GYS2: variants seen among roughly 807,000 people sequenced by gnomAD.
GYS2 encodes the protein glycogen [starch] synthase, liver.
A neutral mutation model predicts 85.6 loss-of-function variants in GYS2; 80 were observed. The observed-to-expected ratio is 0.93, with a 90% CI of 0.78 to 1.13. GYS2 has a LOEUF of 1.13. Among genes scored for constraint, GYS2 ranks in the 50% most tolerant of loss-of-function variants. GYS2 has a pLI of 0.00. For missense variants in GYS2, 881 were observed against 854.9 expected, an observed-to-expected ratio of 1.03 and a Z score of -0.38; for synonymous variants, 328 against 300.7, an observed-to-expected ratio of 1.09 and a Z score of -0.94.
chr12:21,576,467 T>C (rs991872655), intron 2 of GYS2, among the ~76,000 whole-genome samples: 1 of 152,204 alleles, frequency 6.6e-6, no homozygotes, highest in Non-Finnish European at 1.5e-5. Flanking sequence ...TATTTTCTTT[T>C]ATGGAACAGG....
In GYS2 at chr12:21,580,464, C is replaced by A; in HGVS notation, c.181G>T (p.Glu61Ter). ...KAKTTADEWG[E>*]NYFLIGPYFE... The stretch of plus-strand genomic sequence containing the variant: ...TATGGACCTATCAGAAAATAGTTCT[C>A]TCCCCATTCATCTGCTGTTGTTTTG... The change falls in exon 2 of 16, where the codon GAG becomes TAG. Residue 61 changes from glutamate (E) to a stop codon, truncating the protein, a stop_gained. Coordinates refer to ENST00000261195, the MANE Select transcript of GYS2 (RefSeq NM_021957.4). LOFTEE classifies it high-confidence loss of function. 6.2e-7 allele frequency: 1 copy of A among 1,613,458 alleles called. No homozygotes were observed. The highest frequency in any genetic ancestry group is 8.5e-7 in the Non-Finnish European group (1 of 1,179,474).
At chr12:21,543,009 G>A (rs972127945) in intron 12 of GYS2, among the ~76,000 whole-genome samples, 7 of 152,244 alleles carry the variant, frequency 4.6e-5, no homozygotes, top group African/African-American at 1.7e-4. Context: ...TATGAGGTAG[G>A]TTAAATATGT....
intron 12 of GYS2, among the ~76,000 whole-genome samples, chr12:21,544,083 T>C (rs2136845236): frequency 6.6e-6 from 1 of 152,336 alleles, no homozygotes; most frequent in Middle Eastern, 3.4e-3. Context: ...GAAAACACAT[T>C]TGGATGAATG....
intron 4 of GYS2, among the ~76,000 whole-genome samples, chr12:21,570,355 T>A (rs1944371554): frequency 1.3e-5 from 2 of 152,174 alleles, no homozygotes; most frequent in South Asian, 4.1e-4. Context: ...GAAAATGGAT[T>A]AAAAACAGGT....
downstream of GYS2, among the ~76,000 whole-genome samples, chr12:21,534,263 C>A (rs1368948669): frequency 1.3e-5 from 2 of 152,152 alleles, no homozygotes; most frequent in Non-Finnish European, 2.9e-5. Context: ...GTAATCCCAG[C>A]ACTTTGGGAG....
chr12:21,572,983 A>G (rs1944403543), intron 4 of GYS2, among the ~76,000 whole-genome samples: 1 of 152,162 alleles, frequency 6.6e-6, no homozygotes. Flanking sequence ...CACCATTACT[A>G]TATACCGCTA....
chr12:21,568,966 C>G lies in GYS2; in HGVS notation c.722G>C (p.Arg241Pro). ...KEAGERQIYH[R>P]YCMERASVHC... ...AACGGAAGCTCGCTCCATGCAGTAC[C>G]GGTGGTAAATCTGCCTTTCCCCAGC... The change falls in exon 5 of 16, where the codon CGG (arginine) becomes CCG (proline). Residue 241 changes from arginine to proline, a missense_variant. By Grantham distance (103) the Arg-to-Pro change is moderately radical (BLOSUM62 -2). Transcript: ENST00000261195. The G allele has an allele frequency of 6.2e-7, 1 of 1,613,798 alleles. No individual in the cohort carries two copies. Among genetic ancestry groups the G allele is most frequent in the Non-Finnish European group, 8.5e-7 (1 of 1,179,712 alleles).
chr12:21,557,771 C>A (rs1306066270), intron 11 of GYS2, among the ~76,000 whole-genome samples: 1 of 152,014 alleles, frequency 6.6e-6, no homozygotes, highest in Non-Finnish European at 1.5e-5. Flanking sequence ...TGGTTGCGGG[C>A]GCCTGTAGTC....
chr12:21,558,075 C>G (rs7967170), intron 11 of GYS2, 125 bp downstream of exon 11: 1 of 701,854 alleles, frequency 1.4e-6, no homozygotes, highest in Admixed American at 2.1e-5. Context: ...AAACTGAACC[C>G]ATTTTCCTTT....
chr12:21,544,417 C>T (rs927192926), intron 12 of GYS2, among the ~76,000 whole-genome samples: 1 of 152,168 alleles, frequency 6.6e-6, no homozygotes, highest in African/African-American at 2.4e-5. Flanking sequence ...TATAAAATGA[C>T]ACTTTGGTGG....
Position 21,584,153 on chromosome 12 carries a change from T to C in GYS2, c.122-3630A>G, listed in dbSNP as rs527943796. Among the ~76,000 whole-genome samples, 4 of 152,312 alleles carry C rather than the reference T, an allele frequency of 2.6e-5. No individual in the cohort carries two copies. In the South Asian group the frequency reaches 8.3e-4, roughly 32 times the overall value. ...GGAAATCTTCCTAGTTGGCAGAACT[T>C]TGAGCAGTGTGCCTGGTTGTGCACT... On this transcript the variant is annotated intron_variant, in intron 1 of 15. Transcript: ENST00000261195.
intron 1 of GYS2, among the ~76,000 whole-genome samples, chr12:21,586,307 T>G (rs918816974): frequency 6.6e-6 from 1 of 152,142 alleles, no homozygotes; most frequent in Non-Finnish European, 1.5e-5. Flanking sequence ...GTCCTTCAGC[T>G]TTGGGACTTG....
At chr12:21,587,717 A>C (rs1413111606) in intron 1 of GYS2, among the ~76,000 whole-genome samples, 1 of 151,976 alleles carries the variant, frequency 6.6e-6, no homozygotes, top group Non-Finnish European at 1.5e-5. Flanking sequence ...AATATATATA[A>C]ATAAATTTTA....
At chr12:21,565,203 C>T (rs904352684) in intron 5 of GYS2, among the ~76,000 whole-genome samples, 2 of 151,246 alleles carry the variant, frequency 1.3e-5, no homozygotes, top group Non-Finnish European at 2.9e-5. Flanking sequence ...CAGTCATATG[C>T]TGGTAAAATT....
chr12:21,542,364 A>T, intron 13 of GYS2, 132 bp downstream of exon 13: 1 of 717,350 alleles, frequency 1.4e-6, no homozygotes, highest in Non-Finnish European at 2.5e-6. Flanking sequence ...TTGACTTTTA[A>T]TTAAACAAGA....
At chr12:21,577,748 C>T (rs1322315556) in intron 2 of GYS2, among the ~76,000 whole-genome samples, 1 of 152,124 alleles carries the variant, frequency 6.6e-6, no homozygotes, top group African/African-American at 2.4e-5. Flanking sequence ...TGCATTTTTT[C>T]ACCCCCAGAA....
chr12:21,537,045 G>A lies in GYS2; in HGVS notation c.2021C>T (p.Ala674Val), dbSNP rs774560492. The A allele has an allele frequency of 6.2e-7, 1 of 1,613,876 alleles. No individual in the cohort carries two copies. Among genetic ancestry groups the A allele is most frequent in the South Asian group, 1.1e-5 (1 of 91,070 alleles). The change falls in exon 16 of 16, where the codon GCT becomes GTT. Residue 674 changes from alanine (A) to valine (V), a missense_variant. Transcript: ENST00000261195. Reference protein sequence around the residue: ...EDERYDEEEEAERDRLNIKSP... With the variant: ...EDERYDEEEEVERDRLNIKSP... The stretch of plus-strand genomic sequence containing the variant: ...CTTGATATTTAACCGATCCCTTTCA[G>A]CCTCCTCTTCCTCATCGTATCTCTC...
chr12:21,567,096 A>G (rs1277856815), intron 5 of GYS2, among the ~76,000 whole-genome samples: 1 of 152,158 alleles, frequency 6.6e-6, no homozygotes. Context: ...GAAAAATAAA[A>G]AACATTAGAT....
At chr12:21,535,989 G>A (rs1387737811), downstream of GYS2, among the ~76,000 whole-genome samples, 1 of 74,518 alleles carries the variant, frequency 1.3e-5, no homozygotes, top group Non-Finnish European at 3.1e-5. Context: ...CTGAATAGAT[G>A]TTCTATTTTT....
Sources: gnomAD v4.1 joint callset for allele counts (sites outside exome capture counted in the v4.1 genomes callset) on GRCh38, gnomAD v4.1.1 for gene constraint, MANE v1.5 for transcripts, NCBI Gene and HGNC (gene_info 2026-07-23, HGNC 2026-07-21) for gene names.